The following KMT2E variants were observed in gnomAD, a reference collection of about 807,000 sequenced individuals.
The protein encoded by KMT2E is lysine methyltransferase 2E (inactive), also known as histone reader KMT2E.
Under a neutral mutation model 184.6 loss-of-function variants are expected in KMT2E, and 30 were observed. That is an observed-to-expected ratio of 0.16 (90% CI 0.12 to 0.22). The LOEUF (loss-of-function observed/expected upper bound fraction) is 0.22, where lower values mean the gene tolerates loss of function less well. KMT2E is among the 10% of genes least tolerant of loss of function. The probability of loss-of-function intolerance (pLI) is 1.00; values close to 1 mark genes in which losing one functional copy is unlikely to be tolerated. For missense variants in KMT2E, 2,023 were observed against 2,237.4 expected (o/e 0.90, Z 1.93); for synonymous variants, 815 against 776.5 (o/e 1.05, Z -0.82).
rs1799029440 is a variant in KMT2E, at chr7:105,108,804, AATT to A, written c.3469-134_3469-132del. ...ATATAGTAGGCATTTGGTAATTGTT[AATT>A]ATTTGTTCAGAATCAATTAAAATAA... On this transcript the variant is annotated intron_variant, in intron 22 of 26. Coordinates refer to ENST00000311117, the MANE Select transcript of KMT2E (RefSeq NM_182931.3). The A allele has an allele frequency of 4.2e-6, 3 of 719,308 alleles. No homozygotes were observed. The East Asian group carries it at 8.2e-5, about 20-fold the overall frequency. The allele number at this position is 719,308 out of a possible 1,614,324, so 44.6% of individuals were successfully genotyped here.
chr7:105,102,022 C>T lies in KMT2E; in HGVS notation c.2024C>T (p.Ser675Leu), dbSNP rs1798676608. The T allele has an allele frequency of 6.2e-7, 1 of 1,613,832 alleles. No homozygotes were observed. The change falls in exon 17 of 27, where the codon TCA (serine) becomes TTA (leucine). Residue 675 changes from serine (S) to leucine (L), a missense_variant. By Grantham distance (145) the Ser-to-Leu change is moderately radical. Coordinates refer to ENST00000311117, the MANE Select transcript of KMT2E (RefSeq NM_182931.3). ...AGACACAGAACTGTCAGCATGTGTT[C>T]AGATATCCAGCCATCTTCTCCTGAT... Reference protein sequence around the residue: ...RRRHRTVSMCSDIQPSSPDIE... With the variant: ...RRRHRTVSMCLDIQPSSPDIE...
At chr7:105,034,100 C>A (rs764879204) in intron 1 of KMT2E, among the ~76,000 whole-genome samples, 14 of 152,186 alleles carry the variant, frequency 9.2e-5, no homozygotes, top group Non-Finnish European at 1.9e-4. Context: ...CACATCGTAA[C>A]CTTGCTTCAC....
At chr7:105,084,799 C>A (rs1024339115) in intron 13 of KMT2E, among the ~76,000 whole-genome samples, 4 of 152,092 alleles carry the variant, frequency 2.6e-5, no homozygotes, top group African/African-American at 9.7e-5. Flanking sequence ...ACCACAATAG[C>A]AACAGGAGGT....
At chr7:105,073,563 T>C in intron 6 of KMT2E, 56 bp from the exon 7 acceptor site, 2 of 1,100,534 alleles carry the variant, frequency 1.8e-6, no homozygotes, top group South Asian at 2.7e-5. Flanking sequence ...TTATCACATT[T>C]AAGACAGATC....
Position 105,114,388 on chromosome 7 carries a change from G to T in KMT2E, c.*1055G>T, listed in dbSNP as rs1207758570. 6.6e-6 allele frequency: 1 copy of T among 152,020 alleles called. No individual in the cohort carries two copies. Among genetic ancestry groups the T allele is most frequent in the Non-Finnish European group, 1.5e-5 (1 of 68,004 alleles). The allele number at this position is 152,020 out of a possible 1,614,324, so 9.4% of individuals were successfully genotyped here. The stretch of plus-strand genomic sequence containing the variant: ...GGTACAACAACTGTTTGAAAATATG[G>T]GTAGTTTGCCCAAAACAGGAAAATT... On this transcript the variant is annotated 3_prime_UTR_variant, in exon 27 of 27. Coordinates refer to ENST00000311117, the MANE Select transcript of KMT2E (RefSeq NM_182931.3).
intron 3 of KMT2E, among the ~76,000 whole-genome samples, chr7:105,061,056 A>G (rs990547234): frequency 3.3e-5 from 5 of 152,232 alleles, no homozygotes; most frequent in Non-Finnish European, 2.9e-5. Context: ...CTTTAGAACC[A>G]TTAGATAACC....
intron 15 of KMT2E, among the ~76,000 whole-genome samples, chr7:105,099,076 A>G (rs1045120319): frequency 1.3e-5 from 2 of 152,232 alleles, no homozygotes; most frequent in Non-Finnish European, 2.9e-5. Context: ...TGTAATGGTG[A>G]CTAGAAAAGC....
chr7:105,026,227 T>C (rs1271631101), intron 1 of KMT2E, among the ~76,000 whole-genome samples: 3 of 152,162 alleles, frequency 2.0e-5, no homozygotes, highest in Non-Finnish European at 4.4e-5. Context: ...TGTAACTCTT[T>C]TGATCATTTA....
At position 105,107,845 on chromosome 7, in the gene KMT2E, G is replaced by A; in HGVS notation, c.3388G>A (p.Val1130Ile). 1 of 1,614,134 alleles carries A rather than the reference G, an allele frequency of 6.2e-7. No individual in the cohort carries two copies. Among genetic ancestry groups the A allele is most frequent in the Non-Finnish European group, 8.5e-7 (1 of 1,180,006 alleles). Residue 1130 changes from valine to isoleucine, a missense_variant, in exon 22 of 27, where the codon GTA becomes ATA. Around this residue, in one of 8 missense-constraint regions of KMT2E, gnomAD observed 1,108 missense variants for 1,050.9 expected, o/e 1.05. Transcript: ENST00000311117. ...TVFCTSEDGL[V>I]SGFGRTVNDN... ...GTTTTGTACTTCCGAAGATGGGCTT[G>A]TATCTGGTTTCGGACGGACTGTTAA...
At position 105,109,102 on chromosome 7, in the gene KMT2E, A is replaced by G. The variant is rs765081718; in HGVS notation, c.3629A>G (p.Asp1210Gly). The change falls in exon 23 of 27, where the codon GAC becomes GGC. Residue 1210 changes from aspartate (D) to glycine (G), a missense_variant. By Grantham distance (94) the Asp-to-Gly change is moderately conservative. Around this residue, in one of 8 missense-constraint regions of KMT2E, gnomAD observed 1,108 missense variants for 1,050.9 expected, o/e 1.05. Transcript: ENST00000311117. ...AGTAATGACAATGGGGAGCAGGTGG[A>G]CCACACTGCTAGCCTACCTTTACCA... is the stretch of plus-strand genomic sequence containing the variant. ...ASSNDNGEQV[D>G]HTASLPLPTP... is the part of the protein sequence containing the mutation. 5 of 1,614,168 alleles carry G rather than the reference A, an allele frequency of 3.1e-6. No homozygotes were observed. Among genetic ancestry groups the G allele is most frequent in the Non-Finnish European group, 4.2e-6 (5 of 1,180,010 alleles).
At chr7:105,078,793 C>A in intron 11 of KMT2E, 53 bp from the exon 12 acceptor site, 2 of 987,192 alleles carry the variant, frequency 2.0e-6, no homozygotes, top group Non-Finnish European at 3.1e-6. Flanking sequence ...CAGGTGTGAA[C>A]CAGCATGCCC....
Position 105,112,468 on chromosome 7 carries a change from A to C in KMT2E, c.4712A>C (p.Gln1571Pro), listed in dbSNP as rs777282199. ...QPSANFQNYN[Q>P]LKGSLSQQTV... Reference sequence around the variant, plus strand: ...TCTGCAAACTTTCAGAATTATAATCAGCTCAAAGGTAGTCTTTCTCAACAA... The same window carrying C: ...TCTGCAAACTTTCAGAATTATAATCCGCTCAAAGGTAGTCTTTCTCAACAA... Residue 1571 changes from glutamine to proline, a missense_variant, in exon 27 of 27, where the codon CAG (glutamine) becomes CCG (proline). Coordinates refer to ENST00000311117, the MANE Select transcript of KMT2E (RefSeq NM_182931.3). The C allele has an allele frequency of 1.1e-5, 17 of 1,613,932 alleles. No homozygotes were observed. Among genetic ancestry groups the C allele is most frequent in the Non-Finnish European group, 1.4e-5 (17 of 1,180,002 alleles).
intron 1 of KMT2E, among the ~76,000 whole-genome samples, chr7:105,016,997 C>T (rs67739707): frequency 6.6e-6 from 1 of 151,756 alleles, no homozygotes; most frequent in Non-Finnish European, 1.5e-5. Context: ...GGGTAGTGGG[C>T]GAAATTTGTG....
intron 3 of KMT2E, among the ~76,000 whole-genome samples, chr7:105,056,230 T>G (rs1480200629): frequency 1.3e-5 from 2 of 152,232 alleles, no homozygotes; most frequent in Non-Finnish European, 2.9e-5. Flanking sequence ...TCCGGATGAC[T>G]ACCATTTTAT....
chr7:105,109,840 T>A (rs1799109339), intron 23 of KMT2E, among the ~76,000 whole-genome samples: 1 of 146,712 alleles, frequency 6.8e-6, no homozygotes, highest in South Asian at 2.1e-4. Context: ...AAAATAAGAT[T>A]AACTTTTTTT....
intron 15 of KMT2E, among the ~76,000 whole-genome samples, chr7:105,100,153 G>A: frequency 6.6e-6 from 1 of 152,110 alleles, no homozygotes; most frequent in Admixed American, 6.6e-5. Flanking sequence ...TTGGACCTCA[G>A]TTTCCTCAGA....
intron 13 of KMT2E, among the ~76,000 whole-genome samples, chr7:105,085,314 T>C (rs948656636): frequency 6.6e-6 from 1 of 152,196 alleles, no homozygotes; most frequent in Non-Finnish European, 1.5e-5. Flanking sequence ...ACTGGGAGGC[T>C]GAGGCGGGTG....
At chr7:105,074,841 A>C in intron 8 of KMT2E, 26 bp downstream of exon 8, 2 of 1,565,754 alleles carry the variant, frequency 1.3e-6, no homozygotes, top group Non-Finnish European at 1.7e-6. Flanking sequence ...TTTTTAGGTG[A>C]GTGGATAGGA....
In KMT2E at chr7:105,113,935, A is replaced by G. The variant is rs1428617009; in HGVS notation, c.*602A>G. The stretch of plus-strand genomic sequence containing the variant: ...TCATTTGATATATAGCATTGTACAT[A>G]TGACAAGTCTTTTGCAAAACTGTGT... On this transcript the variant is annotated 3_prime_UTR_variant, in exon 27 of 27. Coordinates refer to ENST00000311117, the MANE Select transcript of KMT2E (RefSeq NM_182931.3). The G allele has an allele frequency of 6.5e-6, 1 of 153,766 alleles. No homozygotes were observed. Among genetic ancestry groups the G allele is most frequent in the Non-Finnish European group, 1.5e-5 (1 of 68,272 alleles). 9.5% of individuals were successfully genotyped at this position (153,766 alleles called of 1,614,324 possible).
Sources: allele counts gnomAD v4.1 joint callset (sites outside exome capture counted in the v4.1 genomes callset), GRCh38; gene constraint gnomAD v4.1.1; regional missense constraint gnomAD v4.1.1; transcripts MANE v1.5; gene names NCBI Gene and HGNC (gene_info 2026-07-23, HGNC 2026-07-21).